The following GHR variants were observed in gnomAD, a reference collection of about 807,000 sequenced individuals.
The protein encoded by GHR is GH receptor.
GHR carries 35 observed loss-of-function variants against 67.1 expected under a neutral mutation model. The observed-to-expected ratio is 0.52, with a 90% CI of 0.40 to 0.69. The LOEUF is 0.69. GHR is among the 30% of genes least tolerant of loss of function. The pLI, the probability that GHR is intolerant of heterozygous loss-of-function variation, is 0.00. For missense variants in GHR, 792 were observed against 764.6 expected, an observed-to-expected ratio of 1.04 and a Z score of -0.42; for synonymous variants, 272 against 269.1, an observed-to-expected ratio of 1.01 and a Z score of -0.10.
intron 2 of GHR, among the ~76,000 whole-genome samples, chr5:42,567,602 T>G (rs2112483632): frequency 7.0e-6 from 1 of 143,572 alleles, no homozygotes. Flanking sequence ...TTTTTGTCTC[T>G]TTTTTTTTTG....
chr5:42,480,016 G>A (rs1327160206), intron 1 of GHR, among the ~76,000 whole-genome samples: 1 of 152,014 alleles, frequency 6.6e-6, no homozygotes, highest in African/African-American at 2.4e-5. Context: ...TTTCTCTGGT[G>A]GGCATTTAGT....
intron 2 of GHR, among the ~76,000 whole-genome samples, chr5:42,600,729 C>G (rs1032672783): frequency 1.3e-5 from 2 of 152,126 alleles, no homozygotes; most frequent in Non-Finnish European, 2.9e-5. Context: ...TGCCTAAACT[C>G]TTTGGACTGA....
intron 3 of GHR, among the ~76,000 whole-genome samples, chr5:42,681,805 G>A (rs944045162): frequency 5.3e-5 from 8 of 151,698 alleles, no homozygotes; most frequent in Admixed American, 2.0e-4. Flanking sequence ...GCGCAGTGGC[G>A]GGCGCCTGTA....
chr5:42,628,797 T>C lies in GHR; in HGVS notation c.71-241T>C, dbSNP rs948680893. 2.3e-5 allele frequency among the ~76,000 whole-genome samples: 3 copies of C among 131,030 alleles called. 1 individual carries two copies. Among genetic ancestry groups the C allele is most frequent in the Admixed American group, 2.2e-4 (3 of 13,586 alleles). The allele number at this position is 131,030 out of a possible 152,430, so 86.0% of individuals were successfully genotyped here. A position where few individuals can be genotyped will look rare whatever the true frequency, so the allele number is the denominator to read the frequency against. On this transcript the variant is annotated intron_variant, in intron 2 of 9. Coordinates refer to ENST00000230882, the MANE Select transcript of GHR (RefSeq NM_000163.5). ...CTTATTGCCCAAAGAGTCTATTTAG[T>C]CAGTCTTATGATCTCTACTTTAACA... is the stretch of plus-strand genomic sequence containing the variant.
At chr5:42,643,886 G>C (rs1754602320) in intron 3 of GHR, among the ~76,000 whole-genome samples, 1 of 151,854 alleles carries the variant, frequency 6.6e-6, no homozygotes, top group Admixed American at 6.6e-5. Flanking sequence ...AGGTTACCAG[G>C]GCATCTCACT....
At chr5:42,670,555 G>A (rs1484096320) in intron 3 of GHR, among the ~76,000 whole-genome samples, 2 of 152,110 alleles carry the variant, frequency 1.3e-5, no homozygotes, top group African/African-American at 2.4e-5. Flanking sequence ...CTGTACAGCA[G>A]ATGAAGCAAC....
At chr5:42,441,268 T>C (rs1156237949) in intron 1 of GHR, among the ~76,000 whole-genome samples, 2 of 152,254 alleles carry the variant, frequency 1.3e-5, no homozygotes, top group South Asian at 4.1e-4. Flanking sequence ...TTTAAGGTGC[T>C]GATGAGGGGT....
chr5:42,658,643 AT>A lies in GHR; in HGVS notation c.136+29547del, dbSNP rs541115680. ...ACCATAGTGGTTCTCATCAAGGGTGATTTTTTTCCCCCCAGGGGACATTTGG... is the reference window on the plus strand; with the variant it reads ...ACCATAGTGGTTCTCATCAAGGGTGATTTTTTCCCCCCAGGGGACATTTGG... On this transcript the variant is annotated intron_variant, in intron 3 of 9. Transcript: ENST00000230882. 4.5e-3 allele frequency among the ~76,000 whole-genome samples: 688 copies of A among 152,256 alleles called. 3 individuals are homozygous for A. Among genetic ancestry groups the A allele is most frequent in the Non-Finnish European group, 6.8e-3 (461 of 68,016 alleles).
At chr5:42,601,685 A>T (rs111837862) in intron 2 of GHR, among the ~76,000 whole-genome samples, 2 of 152,134 alleles carry the variant, frequency 1.3e-5, no homozygotes, top group African/African-American at 4.8e-5. Flanking sequence ...TTGCTAAACT[A>T]TAATATGATT....
At chr5:42,655,578 A>G (rs530576214) in intron 3 of GHR, among the ~76,000 whole-genome samples, 12 of 152,286 alleles carry the variant, frequency 7.9e-5, no homozygotes, top group African/African-American at 2.6e-4. Flanking sequence ...CCATTAGTAA[A>G]GTAATTTTTG....
intron 3 of GHR, among the ~76,000 whole-genome samples, chr5:42,662,722 A>G (rs1167447830): frequency 6.6e-6 from 1 of 152,184 alleles, no homozygotes; most frequent in African/African-American, 2.4e-5. Context: ...AAACACATTC[A>G]AAAGCTAGGA....
intron 1 of GHR, among the ~76,000 whole-genome samples, chr5:42,501,341 C>A (rs61636452): frequency 0.17 from 26,296 of 151,682 alleles, 2,531 homozygotes; most frequent in Middle Eastern, 0.26. Flanking sequence ...GTATTTAGTT[C>A]TACCTGCATT....
chr5:42,478,564 C>G (rs1579781729), intron 1 of GHR, among the ~76,000 whole-genome samples: 1 of 152,138 alleles, frequency 6.6e-6, no homozygotes, highest in Non-Finnish European at 1.5e-5. Context: ...TTTCCTTGAG[C>G]AGTGGTTTGT....
At chr5:42,661,171 A>C (rs1755594164) in intron 3 of GHR, among the ~76,000 whole-genome samples, 1 of 152,240 alleles carries the variant, frequency 6.6e-6, no homozygotes. Flanking sequence ...CCAAGTTGGA[A>C]AACACTCTGC....
intron 3 of GHR, among the ~76,000 whole-genome samples, chr5:42,685,209 T>G (rs1483618043): frequency 6.6e-6 from 1 of 152,166 alleles, no homozygotes; most frequent in East Asian, 1.9e-4. Context: ...TTTTCTGTTC[T>G]TGTGTTAGTT....
Position 42,655,780 on chromosome 5 carries a change from G to A in GHR, c.136+26677G>A, listed in dbSNP as rs183604592. ...CTGAAAAAAGCACAATGTATACTAA[G>A]TTAAAGGTTCATTCTTAACAGCAGT... On this transcript the variant is annotated intron_variant, in intron 3 of 9. Transcript: ENST00000230882. 6.0e-3 allele frequency among the ~76,000 whole-genome samples: 920 copies of A among 152,130 alleles called. 5 individuals carry two copies. The highest frequency in any genetic ancestry group is 0.011 in the Admixed American group (172 of 15,278).
chr5:42,696,446 T>C (rs1011688253), intron 5 of GHR, among the ~76,000 whole-genome samples: 3 of 152,158 alleles, frequency 2.0e-5, no homozygotes, highest in Non-Finnish European at 4.4e-5. Context: ...GGAATTGGAC[T>C]CTCCCTATTT....
chr5:42,521,805 AGTT>A (rs1007342173), intron 1 of GHR, among the ~76,000 whole-genome samples: 1 of 152,192 alleles, frequency 6.6e-6, no homozygotes, highest in African/African-American at 2.4e-5. Context: ...TATTTATCTA[AGTT>A]GTTAACTATA....
In GHR at chr5:42,629,089, C is replaced by A; in HGVS notation, c.122C>A (p.Pro41Gln). Reference protein sequence around the residue: ...RAPWSLQSVNPGLKTNSSKEP... With the variant: ...RAPWSLQSVNQGLKTNSSKEP... The stretch of plus-strand genomic sequence containing the variant: ...CCCTGGAGTCTGCAAAGTGTTAATC[C>A]AGGCCTAAAGACAAGTAAGAATTTC... Residue 41 changes from proline (P) to glutamine (Q), a missense_variant, in exon 3 of 10, where the codon CCA (proline) becomes CAA (glutamine). Pro to Gln is a moderately conservative substitution (Grantham distance 76). Coordinates refer to ENST00000230882, the MANE Select transcript of GHR (RefSeq NM_000163.5). 1.5e-6 allele frequency: 2 copies of A among 1,373,358 alleles called. No individual in the cohort carries two copies. The highest frequency in any genetic ancestry group is 2.0e-6 in the Non-Finnish European group (2 of 991,368). 85.1% of individuals were successfully genotyped at this position (1,373,358 alleles called of 1,614,324 possible). A position where few individuals can be genotyped will look rare whatever the true frequency, so the allele number is the denominator to read the frequency against.
Sources: allele counts gnomAD v4.1 joint callset (sites outside exome capture counted in the v4.1 genomes callset), GRCh38; gene constraint gnomAD v4.1.1; transcripts MANE v1.5; gene names NCBI Gene and HGNC (gene_info 2026-07-23, HGNC 2026-07-21).